The following VAMP4 variants were observed in gnomAD, a reference collection of about 807,000 sequenced individuals.
VAMP4 encodes the protein vesicle associated membrane protein 4, also known as vesicle-associated membrane protein 4.
In VAMP4, 19 loss-of-function variants were observed where a neutral mutation model predicts 23.5. The ratio of observed to expected loss-of-function variants is 0.81; its 90% CI spans 0.56 to 1.19. VAMP4 has a LOEUF of 1.19. Ranked by LOEUF, VAMP4 falls within the 50% of genes most tolerant of loss-of-function variation. The pLI is 0.00. For synonymous variants in VAMP4, 31 were observed against 51.0 expected (o/e 0.61, Z 1.67); for missense variants, 145 against 168.6 (o/e 0.86, Z 0.78).
At chr1:171,741,751 G>A (rs1387891690) in intron 1 of VAMP4, among the ~76,000 whole-genome samples, 159 bp downstream of exon 1, 1 of 151,842 alleles carries the variant, frequency 6.6e-6, no homozygotes, top group East Asian at 1.9e-4. Context: ...CGGCACCCCC[G>A]GCCCCAACCT....
intron 1 of VAMP4, among the ~76,000 whole-genome samples, chr1:171,740,237 C>T (rs911021437): frequency 2.6e-5 from 4 of 152,232 alleles, no homozygotes; most frequent in East Asian, 1.9e-4. Flanking sequence ...AGTTGCCCAT[C>T]AGGTTTACAG....
At chr1:171,738,320 G>A (rs1655808141) in intron 2 of VAMP4, 29 bp downstream of exon 2, 1 of 1,608,398 alleles carries the variant, frequency 6.2e-7, no homozygotes, top group African/African-American at 1.3e-5. Flanking sequence ...TGAATCTTTT[G>A]TTTTTAAAGC....
chr1:171,732,263 G>A (rs1655587348), intron 2 of VAMP4, among the ~76,000 whole-genome samples: 2 of 151,262 alleles, frequency 1.3e-5, no homozygotes, highest in South Asian at 2.1e-4. Context: ...GCTCACACCT[G>A]TAATCCCAGC....
In VAMP4 at chr1:171,702,179, A is replaced by T. The variant is rs1209233625; in HGVS notation, c.*2327T>A. 2 of 152,024 alleles carry T rather than the reference A, an allele frequency of 1.3e-5. No homozygotes were observed. The highest frequency in any genetic ancestry group is 2.9e-5 in the Non-Finnish European group (2 of 67,900). 9.4% of individuals were successfully genotyped at this position (152,024 alleles called of 1,614,324 possible). On this transcript the variant is annotated 3_prime_UTR_variant, in exon 8 of 8. Transcript: ENST00000236192. The stretch of plus-strand genomic sequence containing the variant: ...TTTTTCTTCTGTTTTTGATCGTAAG[A>T]GGGCTTATATCTCCAAGGTTACCAC...
intron 3 of VAMP4, among the ~76,000 whole-genome samples, chr1:171,725,836 G>A (rs915832879): frequency 2.0e-5 from 3 of 151,514 alleles, no homozygotes; most frequent in Non-Finnish European, 4.4e-5. Flanking sequence ...GATTACAGGT[G>A]CACACCACCA....
chr1:171,708,816 C>T (rs1284071631), intron 6 of VAMP4, among the ~76,000 whole-genome samples: 4 of 137,706 alleles, frequency 2.9e-5, no homozygotes, highest in Admixed American at 7.9e-5. Flanking sequence ...GCAGAGGTTG[C>T]GGTGATATTG....
chr1:171,732,231 C>T (rs928115875), intron 2 of VAMP4, among the ~76,000 whole-genome samples: 1 of 151,984 alleles, frequency 6.6e-6, no homozygotes, highest in Admixed American at 6.6e-5. Context: ...TTTTAAAATA[C>T]TCTTCTCAGC....
chr1:171,734,274 A>AAG (rs1445166980), intron 2 of VAMP4, among the ~76,000 whole-genome samples: 3 of 151,808 alleles, frequency 2.0e-5, no homozygotes, highest in Non-Finnish European at 4.4e-5. Context: ...TCTCAAAAAA[A>AAG]AAAAAAAAAA....
intron 2 of VAMP4, among the ~76,000 whole-genome samples, chr1:171,736,566 G>C (rs547488469): frequency 6.6e-6 from 1 of 152,112 alleles, no homozygotes; most frequent in African/African-American, 2.4e-5. Context: ...TTGGCAACAT[G>C]GAAATCATTG....
chr1:171,708,584 G>T (rs570917942), intron 6 of VAMP4, among the ~76,000 whole-genome samples: 1 of 151,764 alleles, frequency 6.6e-6, no homozygotes, highest in East Asian at 1.9e-4. Context: ...ATTGCTGGCT[G>T]GTGCAGTGGC....
At chr1:171,719,125 C>G in intron 4 of VAMP4, 46 bp downstream of exon 4, 3 of 1,574,448 alleles carry the variant, frequency 1.9e-6, no homozygotes, top group Non-Finnish European at 2.6e-6. Context: ...AATCTCTAGT[C>G]TACACAGAAA....
intron 3 of VAMP4, among the ~76,000 whole-genome samples, chr1:171,723,724 C>T (rs1226300178): frequency 6.6e-6 from 1 of 152,156 alleles, no homozygotes; most frequent in Non-Finnish European, 1.5e-5. Context: ...CGACATACAT[C>T]CTCAGCTTAC....
At chr1:171,717,430 G>C (rs1254031486) in intron 4 of VAMP4, among the ~76,000 whole-genome samples, 1 of 152,112 alleles carries the variant, frequency 6.6e-6, no homozygotes, top group Non-Finnish European at 1.5e-5. Flanking sequence ...GGCTCATGAG[G>C]TCTTCTTCCA....
At chr1:171,705,634 G>A (rs6685742) in intron 7 of VAMP4, among the ~76,000 whole-genome samples, 51,121 of 151,790 alleles carry the variant, frequency 0.34, 8,824 homozygotes, top group Middle Eastern at 0.43. Flanking sequence ...TTGCAAACAC[G>A]GAATCTATGA....
intron 3 of VAMP4, among the ~76,000 whole-genome samples, chr1:171,722,113 C>CATCT (rs1655215937): frequency 6.6e-6 from 1 of 152,090 alleles, no homozygotes; most frequent in African/African-American, 2.4e-5. Flanking sequence ...CATCTACAAC[C>CATCT]ATCTGATCTT....
chr1:171,706,456 CTTG>C, intron 6 of VAMP4, 38 bp from the exon 7 acceptor site: 1 of 1,572,312 alleles, frequency 6.4e-7, no homozygotes, highest in African/African-American at 1.4e-5. Context: ...TAATATTTGA[CTTG>C]TTAATAAAGT....
chr1:171,729,475 C>T (rs1296469513), intron 2 of VAMP4, among the ~76,000 whole-genome samples: 2 of 152,010 alleles, frequency 1.3e-5, no homozygotes, highest in African/African-American at 2.4e-5. Context: ...GTTTTGACTG[C>T]GTTTTGACTG....
At chr1:171,711,803 CGACTACA>C (rs1194547207) in intron 4 of VAMP4, among the ~76,000 whole-genome samples, 2 of 152,160 alleles carry the variant, frequency 1.3e-5, no homozygotes, top group African/African-American at 4.8e-5. Context: ...GGATTACTAG[CGACTACA>C]GACATGTACT....
chr1:171,712,807 T>C (rs1305758463), intron 4 of VAMP4, among the ~76,000 whole-genome samples: 1 of 152,226 alleles, frequency 6.6e-6, no homozygotes, highest in Non-Finnish European at 1.5e-5. Flanking sequence ...ACCTACTATG[T>C]ACTGTTTTAG....
Sources: allele counts gnomAD v4.1 joint callset (sites outside exome capture counted in the v4.1 genomes callset), GRCh38; gene constraint gnomAD v4.1.1; transcripts MANE v1.5; gene names NCBI Gene and HGNC (gene_info 2026-07-23, HGNC 2026-07-21).